TSGA10: variants seen among roughly 807,000 people sequenced by gnomAD.
The protein encoded by TSGA10 is testis-specific gene 10 protein.
A neutral mutation model predicts 96.6 loss-of-function variants in TSGA10; 43 were observed. The observed-to-expected ratio is 0.44, with a 90% CI of 0.35 to 0.57. The LOEUF (loss-of-function observed/expected upper bound fraction) is 0.57. Ranked by LOEUF, TSGA10 falls within the 20% of genes least tolerant of loss-of-function variation. TSGA10 has a pLI of 0.01. For missense variants in TSGA10, 703 were observed against 834.4 expected, an observed-to-expected ratio of 0.84 and a Z score of 1.94; for synonymous variants, 229 against 269.9, an observed-to-expected ratio of 0.85 and a Z score of 1.48.
At chr2:99,127,287 C>T in intron 1 of TSGA10, 111 bp from the exon 2 acceptor site, 2 of 872,602 alleles carry the variant, frequency 2.3e-6, no homozygotes, top group Non-Finnish European at 3.0e-6. Context: ...TTTTTTTAAC[C>T]ATTTCCCACC....
intron 9 of TSGA10, 93 bp downstream of exon 9, chr2:99,105,266 T>G: frequency 9.0e-7 from 1 of 1,112,180 alleles, no homozygotes; most frequent in Non-Finnish European, 1.3e-6. Flanking sequence ...CTTAGAAAAA[T>G]AAAATAACTT....
chr2:99,151,052 G>C, intron 1 of TSGA10: 1 of 412,434 alleles, frequency 2.4e-6, no homozygotes, highest in Non-Finnish European at 4.3e-6. Context: ...ATTCAAAGCA[G>C]ATTTCTCTGG....
chr2:99,128,146 A>G (rs894147408), intron 1 of TSGA10, among the ~76,000 whole-genome samples: 1 of 152,142 alleles, frequency 6.6e-6, no homozygotes, highest in Admixed American at 6.6e-5. Flanking sequence ...CTACCTAGGG[A>G]ATTACAGAAT....
At chr2:99,133,500 C>T (rs2093192970) in intron 1 of TSGA10, among the ~76,000 whole-genome samples, 2 of 152,164 alleles carry the variant, frequency 1.3e-5, no homozygotes, top group Admixed American at 1.3e-4. Context: ...AGATGGGTCT[C>T]CTGAATACAA....
At chr2:99,064,724 T>G (rs941603245) in intron 16 of TSGA10, among the ~76,000 whole-genome samples, 2 of 152,222 alleles carry the variant, frequency 1.3e-5, no homozygotes, top group South Asian at 4.1e-4. Context: ...TGAAATAGTT[T>G]CTAATTTTAA....
At chr2:99,087,074 G>T (rs1236267795) in intron 10 of TSGA10, among the ~76,000 whole-genome samples, 1 of 152,024 alleles carries the variant, frequency 6.6e-6, no homozygotes, top group Non-Finnish European at 1.5e-5. Flanking sequence ...TGTGGTGGTG[G>T]GCACCTGTAG....
intron 20 of TSGA10, among the ~76,000 whole-genome samples, chr2:99,016,964 C>T (rs1256190700): frequency 2.6e-5 from 4 of 152,144 alleles, no homozygotes. Context: ...CTACCTTACT[C>T]CTGCAAGAAT....
chr2:99,086,231 T>C (rs1009121975), intron 10 of TSGA10, among the ~76,000 whole-genome samples: 8 of 151,958 alleles, frequency 5.3e-5, no homozygotes, highest in Non-Finnish European at 1.2e-4. Context: ...TATTCTTTTG[T>C]GGAAAAAAAA....
chr2:99,071,414 G>A (rs994652574), intron 14 of TSGA10, among the ~76,000 whole-genome samples: 1 of 151,126 alleles, frequency 6.6e-6, no homozygotes, highest in Non-Finnish European at 1.5e-5. Context: ...TTTCTTTAAG[G>A]TTTCTCAAGG....
chr2:99,089,520 G>T (rs537129156), intron 10 of TSGA10, among the ~76,000 whole-genome samples: 1 of 152,282 alleles, frequency 6.6e-6, no homozygotes, highest in Admixed American at 6.5e-5. Context: ...CAAGTTCTCA[G>T]CCCTGCTTGC....
At chr2:99,115,601 C>A (rs1197386914) in intron 4 of TSGA10, among the ~76,000 whole-genome samples, 1 of 151,958 alleles carries the variant, frequency 6.6e-6, no homozygotes, top group Non-Finnish European at 1.5e-5. Context: ...CTATTATGGC[C>A]AGGTGTGGTG....
intron 12 of TSGA10, among the ~76,000 whole-genome samples, chr2:99,074,967 A>C (rs908420926): frequency 6.6e-6 from 1 of 152,038 alleles, no homozygotes; most frequent in Admixed American, 6.6e-5. Context: ...AAAAAAAAAA[A>C]GTCCTTTCTT....
At chr2:99,118,467 A>C (rs2104921399) in intron 3 of TSGA10, 84 bp downstream of exon 3, 1 of 511,814 alleles carries the variant, frequency 2.0e-6, no homozygotes, top group South Asian at 8.5e-5. Flanking sequence ...AAAAAAAAAA[A>C]AGTATATATA....
chr2:98,997,996 GC>G lies in TSGA10; in HGVS notation c.*200del. The G allele has an allele frequency of 3.8e-6, 2 of 520,334 alleles. No homozygotes were observed. The highest frequency in any genetic ancestry group is 6.8e-6 in the Non-Finnish European group (2 of 295,468). The allele number at this position is 520,334 out of a possible 1,614,324, so 32.2% of individuals were successfully genotyped here. On this transcript the variant is annotated 3_prime_UTR_variant, in exon 21 of 21. Coordinates refer to ENST00000393483, the MANE Select transcript of TSGA10 (RefSeq NM_025244.4). ...CACTATCACTGCATGGATAGAAAGA[GC>G]CATATACATTTTTGTTTTTATAAGT...
chr2:99,066,811 C>A (rs2085314564), intron 15 of TSGA10, among the ~76,000 whole-genome samples: 1 of 152,042 alleles, frequency 6.6e-6, no homozygotes, highest in Admixed American at 6.6e-5. Context: ...CTATATGGTG[C>A]CTCCCCTGTA....
chr2:99,012,273 A>T (rs1232440091), intron 20 of TSGA10, among the ~76,000 whole-genome samples: 1 of 152,204 alleles, frequency 6.6e-6, no homozygotes, highest in Non-Finnish European at 1.5e-5. Flanking sequence ...GGGGAAGAAA[A>T]CACCAAAACA....
chr2:99,053,829 A>G (rs990330067), intron 16 of TSGA10, among the ~76,000 whole-genome samples: 2 of 152,160 alleles, frequency 1.3e-5, no homozygotes, highest in African/African-American at 2.4e-5. Context: ...CATAAGAAAA[A>G]AGATGCTATA....
chr2:99,053,649 C>T (rs554395227), intron 16 of TSGA10, among the ~76,000 whole-genome samples: 6 of 151,938 alleles, frequency 3.9e-5, no homozygotes, highest in African/African-American at 1.5e-4. Context: ...TATGACAAGC[C>T]CACAGTTAAC....
chr2:99,068,777 C>T (rs2085567662), intron 15 of TSGA10, 111 bp downstream of exon 15: 1 of 448,700 alleles, frequency 2.2e-6, no homozygotes, highest in East Asian at 3.5e-5. Context: ...CTAAAATATA[C>T]TATGTATTAA....
Sources: gnomAD v4.1 joint callset for allele counts (sites outside exome capture counted in the v4.1 genomes callset) on GRCh38, gnomAD v4.1.1 for gene constraint, MANE v1.5 for transcripts, NCBI Gene and HGNC (gene_info 2026-07-23, HGNC 2026-07-21) for gene names.